The following SLC16A9 variants were observed in gnomAD, a reference collection of about 807,000 sequenced individuals.
The protein encoded by SLC16A9 is solute carrier family 16 member 9.
Under a neutral mutation model 44.3 loss-of-function variants are expected in SLC16A9, and 26 were observed. The ratio of observed to expected loss-of-function variants is 0.59; its 90% CI spans 0.43 to 0.81. The LOEUF is 0.81. SLC16A9 is among the 40% of genes least tolerant of loss of function. The pLI, the probability that SLC16A9 is intolerant of heterozygous loss-of-function variation, is 0.00. For missense variants in SLC16A9, 559 were observed against 595.8 expected (o/e 0.94, Z 0.64); for synonymous variants, 230 against 225.1 (o/e 1.02, Z -0.19).
At chr10:59,709,378 C>T (rs3750803) in intron 1 of SLC16A9, 101 bp downstream of exon 1, 48,523 of 152,426 alleles carry the variant, frequency 0.32, 8,594 homozygotes, top group Middle Eastern at 0.42. Flanking sequence ...ACCGCCCCCT[C>T]CTACTGCTCC....
At chr10:59,705,023 A>C (rs1840608143) in intron 1 of SLC16A9, among the ~76,000 whole-genome samples, 1 of 152,190 alleles carries the variant, frequency 6.6e-6, no homozygotes, top group Non-Finnish European at 1.5e-5. Context: ...AATCATGAGA[A>C]TATTGGTAAT....
intron 4 of SLC16A9, among the ~76,000 whole-genome samples, chr10:59,657,877 A>T (rs1361007042): frequency 1.3e-5 from 2 of 152,138 alleles, no homozygotes; most frequent in Non-Finnish European, 2.9e-5. Flanking sequence ...GGGTATTCTG[A>T]AGTAAACCTG....
At chr10:59,696,236 T>C (rs764578101) in intron 1 of SLC16A9, among the ~76,000 whole-genome samples, 12 of 152,208 alleles carry the variant, frequency 7.9e-5, no homozygotes, top group Non-Finnish European at 1.6e-4. Context: ...GCCGAGTGCC[T>C]GCGATTGTAG....
intron 1 of SLC16A9, among the ~76,000 whole-genome samples, chr10:59,693,776 C>A (rs917554992): frequency 2.0e-5 from 3 of 151,548 alleles, no homozygotes; most frequent in African/African-American, 7.3e-5. Context: ...CCCGCCACCA[C>A]ACCCGGCTAA....
intron 1 of SLC16A9, among the ~76,000 whole-genome samples, chr10:59,696,890 A>C (rs1840396324): frequency 6.7e-6 from 1 of 148,770 alleles, no homozygotes; most frequent in South Asian, 2.1e-4. Flanking sequence ...GTGGGAAGTG[A>C]GGAGCGTCTC....
intron 1 of SLC16A9, among the ~76,000 whole-genome samples, chr10:59,687,171 C>T (rs1429311392): frequency 2.0e-5 from 3 of 152,206 alleles, no homozygotes; most frequent in Non-Finnish European, 4.4e-5. Flanking sequence ...TCCCAAAGTG[C>T]CAGGATTACA....
chr10:59,707,081 A>C (rs1458270782), intron 1 of SLC16A9, among the ~76,000 whole-genome samples: 1 of 148,144 alleles, frequency 6.8e-6, no homozygotes, highest in Non-Finnish European at 1.5e-5. Context: ...GCGAAACCCC[A>C]TCTCTACAAA....
intron 1 of SLC16A9, among the ~76,000 whole-genome samples, chr10:59,707,464 A>G (rs981776552): frequency 1.3e-5 from 2 of 151,808 alleles, no homozygotes; most frequent in Non-Finnish European, 2.9e-5. Flanking sequence ...AGGATACAAA[A>G]TTTCAGTTAG....
intron 1 of SLC16A9, among the ~76,000 whole-genome samples, chr10:59,690,587 T>C (rs1012981826): frequency 7.2e-5 from 11 of 152,134 alleles, no homozygotes; most frequent in African/African-American, 2.4e-4. Context: ...GTAATCAGGA[T>C]AGGCCCGATA....
chr10:59,681,131 C>G (rs1425106551), intron 2 of SLC16A9, among the ~76,000 whole-genome samples: 2 of 152,248 alleles, frequency 1.3e-5, no homozygotes, highest in East Asian at 3.9e-4. Context: ...CTAAGAACCA[C>G]TGATAACCAT....
intron 1 of SLC16A9, among the ~76,000 whole-genome samples, chr10:59,703,726 GT>G (rs983613868): frequency 6.8e-6 from 1 of 146,760 alleles, no homozygotes; most frequent in African/African-American, 2.5e-5. Context: ...TTTTTTTTTC[GT>G]TTTTTTTTTG....
intron 1 of SLC16A9, among the ~76,000 whole-genome samples, chr10:59,701,855 T>C (rs1175267684): frequency 6.6e-6 from 1 of 152,240 alleles, no homozygotes; most frequent in African/African-American, 2.4e-5. Context: ...CCTTCAAGAC[T>C]GAGCCCAAAC....
rs745926235 is a variant in SLC16A9, at chr10:59,684,202, T to G, written c.90A>C (p.Pro30=). 1.3e-5 allele frequency: 21 copies of G among 1,613,948 alleles called. No homozygotes were observed. The highest frequency in any genetic ancestry group is 1.7e-5 in the Non-Finnish European group (20 of 1,180,006). The change falls in exon 2 of 6, where the codon CCA becomes CCC. Residue 30 remains proline (P), a synonymous_variant. Transcript: ENST00000395348. ...FLTQFLCYGS[P]LAVGVLYIEW... is the part of the protein sequence containing the mutation. ...CTATGTACAGGACTCCAACAGCTAG[T>G]GGGGATCCGTAACACAAAAACTGAG...
intron 2 of SLC16A9, among the ~76,000 whole-genome samples, chr10:59,673,462 A>G (rs1839796052): frequency 6.6e-6 from 1 of 152,240 alleles, no homozygotes; most frequent in South Asian, 2.1e-4. Flanking sequence ...TTAATGTACT[A>G]GAAATAAAAG....
chr10:59,654,682 G>C (rs770049784), intron 4 of SLC16A9, 93 bp from the exon 5 acceptor site: 2 of 955,936 alleles, frequency 2.1e-6, no homozygotes, highest in Non-Finnish European at 3.0e-6. Context: ...TTTTATACTG[G>C]CATTTATATG....
chr10:59,653,830 G>A lies in SLC16A9; in HGVS notation c.1196C>T (p.Ala399Val), dbSNP rs750417619. ...AAACCCTAGGATCCCAGAAAGCAAC[G>A]CCAATGTGACATAGCTTTTGGCAAA... ...IPFAKSYVTL[A>V]LLSGILGFLT... Residue 399 changes from alanine (A) to valine (V), a missense_variant, in exon 5 of 6, where the codon GCG (alanine) becomes GTG (valine). Transcript: ENST00000395348. 3.7e-6 allele frequency: 6 copies of A among 1,614,066 alleles called. No homozygotes were observed. Among genetic ancestry groups the A allele is most frequent in the Non-Finnish European group, 4.2e-6 (5 of 1,179,996 alleles).
rs1030879926 is a variant in SLC16A9, at chr10:59,686,184, T to C, written c.-36-1857A>G. 4.6e-5 allele frequency among the ~76,000 whole-genome samples: 7 copies of C among 152,314 alleles called. No individual in the cohort carries two copies. The South Asian group carries it at 1.4e-3, about 32-fold the overall frequency. On this transcript the variant is annotated intron_variant, in intron 1 of 5. Coordinates refer to ENST00000395348, the MANE Select transcript of SLC16A9 (RefSeq NM_194298.3). ...ATTGGTCTGTCTATTCACACATCAT[T>C]ACCACATTTGTTTCATCACAGAATC...
chr10:59,678,139 C>G (rs990585338), intron 2 of SLC16A9, among the ~76,000 whole-genome samples: 3 of 150,262 alleles, frequency 2.0e-5, no homozygotes, highest in South Asian at 4.2e-4. Flanking sequence ...AGAAGGATGG[C>G]CAGGTCTGCT....
At chr10:59,676,713 A>T (rs928098420) in intron 2 of SLC16A9, among the ~76,000 whole-genome samples, 2 of 152,152 alleles carry the variant, frequency 1.3e-5, no homozygotes, top group Non-Finnish European at 2.9e-5. Context: ...ACCTGAGGTC[A>T]GGAGTTCAAG....
Sources: allele counts gnomAD v4.1 joint callset (sites outside exome capture counted in the v4.1 genomes callset), GRCh38; gene constraint gnomAD v4.1.1; transcripts MANE v1.5; gene names NCBI Gene and HGNC (gene_info 2026-07-23, HGNC 2026-07-21).